The following C10orf90 variants were observed in gnomAD, a reference collection of about 807,000 sequenced individuals.
C10orf90 encodes (E2-independent) E3 ubiquitin-conjugating enzyme FATS.
A neutral mutation model predicts 62.5 loss-of-function variants in C10orf90; 56 were observed. That is an observed-to-expected ratio of 0.90 (90% CI 0.72 to 1.12). C10orf90 has a LOEUF of 1.12. C10orf90 is among the 50% of genes most tolerant of loss of function. The pLI is 0.00. For missense variants in C10orf90, 970 were observed against 880.4 expected (o/e 1.10, Z -1.29); for synonymous variants, 386 against 340.4 (o/e 1.13, Z -1.47).
intron 7 of C10orf90, among the ~76,000 whole-genome samples, chr10:126,441,162 T>C (rs1400778158): frequency 6.6e-6 from 1 of 151,972 alleles, no homozygotes; most frequent in African/African-American, 2.4e-5. Flanking sequence ...GGAGAAATAT[T>C]CAAGGAAATA....
chr10:126,624,073 C>T (rs867707990), intron 2 of C10orf90, among the ~76,000 whole-genome samples: 37 of 151,832 alleles, frequency 2.4e-4, no homozygotes, highest in Admixed American at 2.1e-3. Context: ...TGGGGCCTAG[C>T]GCGGTGGCTC....
chr10:126,489,339 C>A (rs1861598023), intron 4 of C10orf90, among the ~76,000 whole-genome samples: 1 of 152,008 alleles, frequency 6.6e-6, no homozygotes, highest in South Asian at 2.1e-4. Context: ...TAAAAAAGTT[C>A]TCAAATTAGG....
chr10:126,608,896 C>T (rs1845371370), intron 2 of C10orf90, among the ~76,000 whole-genome samples: 1 of 152,112 alleles, frequency 6.6e-6, no homozygotes, highest in Non-Finnish European at 1.5e-5. Context: ...TGTAGTTCAG[C>T]ACATATGGGT....
chr10:126,655,649 C>A (rs953649332), intron 1 of C10orf90, among the ~76,000 whole-genome samples: 1 of 152,070 alleles, frequency 6.6e-6, no homozygotes, highest in Non-Finnish European at 1.5e-5. Flanking sequence ...TGTTTACCAC[C>A]GCTTCCTACT....
chr10:126,655,227 G>A lies in C10orf90; in HGVS notation c.241-8590C>T, dbSNP rs1201076495. ...CAGCTACTAGGGAGGCTGAGGCAGG[G>A]GAATCGCTTGAACCCAGGAGGCGGA... On this transcript the variant is annotated intron_variant, in intron 1 of 9. Transcript: ENST00000488181. 2.6e-5 allele frequency among the ~76,000 whole-genome samples: 4 copies of A among 152,098 alleles called. No homozygotes were observed. In the East Asian group the frequency reaches 7.7e-4, roughly 29 times the overall value.
intron 3 of C10orf90, among the ~76,000 whole-genome samples, chr10:126,512,366 G>T (rs1247557195): frequency 1.6e-5 from 1 of 63,622 alleles, no homozygotes; most frequent in South Asian, 6.9e-4. Flanking sequence ...GTGTGTGTAT[G>T]TGTGTCTGTG....
intron 7 of C10orf90, among the ~76,000 whole-genome samples, chr10:126,446,115 C>T (rs1225304891): frequency 6.6e-6 from 1 of 151,668 alleles, no homozygotes; most frequent in African/African-American, 2.4e-5. Flanking sequence ...AGTATGTACT[C>T]ATGTAAGCAA....
chr10:126,521,294 C>A, intron 2 of C10orf90: 1 of 1,614,028 alleles, frequency 6.2e-7, no homozygotes, highest in African/African-American at 1.3e-5. Context: ...AAAATTAGAA[C>A]ATACCTTCTC....
intron 7 of C10orf90, among the ~76,000 whole-genome samples, chr10:126,457,355 A>G (rs924671316): frequency 8.5e-5 from 13 of 152,212 alleles, no homozygotes; most frequent in African/African-American, 3.1e-4. Flanking sequence ...ATCAGTACAG[A>G]TGGCCAAGGC....
At chr10:126,588,234 G>A (rs1844912556) in intron 2 of C10orf90, among the ~76,000 whole-genome samples, 1 of 152,242 alleles carries the variant, frequency 6.6e-6, no homozygotes, top group Non-Finnish European at 1.5e-5. Flanking sequence ...AAGGGTGACG[G>A]CAGTCTCTGT....
At chr10:126,477,676 C>T (rs1328851836) in intron 4 of C10orf90, among the ~76,000 whole-genome samples, 1 of 152,176 alleles carries the variant, frequency 6.6e-6, no homozygotes, top group Non-Finnish European at 1.5e-5. Context: ...TGCTCCATTT[C>T]CCTAAGCCTA....
At chr10:126,499,390 G>T (rs991741163) in intron 4 of C10orf90, among the ~76,000 whole-genome samples, 1 of 152,078 alleles carries the variant, frequency 6.6e-6, no homozygotes, top group Non-Finnish European at 1.5e-5. Flanking sequence ...AAAAAGAAAA[G>T]TTTGCTGATC....
At chr10:126,445,824 T>TAC (rs199534979) in intron 7 of C10orf90, among the ~76,000 whole-genome samples, 3,468 of 133,772 alleles carry the variant, frequency 0.026, 170 homozygotes, top group African/African-American at 0.088. Flanking sequence ...TATATATATA[T>TAC]ATACAATGGA....
intron 1 of C10orf90, among the ~76,000 whole-genome samples, chr10:126,649,071 T>TCCCCC (rs1163113188): frequency 9.8e-5 from 4 of 40,766 alleles, no homozygotes; most frequent in African/African-American, 4.2e-4. Context: ...TCTCTCTCTC[T>TCCCCC]CCCCCCCCCC....
chr10:126,458,281 CT>C (rs1859716423), intron 7 of C10orf90, among the ~76,000 whole-genome samples: 1 of 152,106 alleles, frequency 6.6e-6, no homozygotes, highest in African/African-American at 2.4e-5. Flanking sequence ...AAACATTTTC[CT>C]AGGAAGAAAG....
At chr10:126,493,086 G>A (rs922454048) in intron 4 of C10orf90, among the ~76,000 whole-genome samples, 3 of 151,706 alleles carry the variant, frequency 2.0e-5, no homozygotes, top group Admixed American at 1.3e-4. Context: ...GACAGGTACT[G>A]GAACTTCAAA....
In C10orf90 at chr10:126,454,973, C is replaced by T. The variant is rs2134083207; in HGVS notation, c.2188+4067G>A. On this transcript the variant is annotated intron_variant, in intron 7 of 9. Transcript: ENST00000488181. ...TTGAAATCAAAGGCCAGCTCTCCTG[C>T]CACCTTCCCTTGGCATGCCTGGGTG... Among the ~76,000 whole-genome samples, 3 of 152,144 alleles carry T rather than the reference C, an allele frequency of 2.0e-5. No individual in the cohort carries two copies. The South Asian group carries it at 6.2e-4, about 32-fold the overall frequency.
At chr10:126,530,707 C>G (rs1478290085) in intron 2 of C10orf90, among the ~76,000 whole-genome samples, 1 of 151,966 alleles carries the variant, frequency 6.6e-6, no homozygotes, top group African/African-American at 2.4e-5. Context: ...AGCCTGCAGG[C>G]ACATGCGGGA....
At chr10:126,526,507 G>C (rs1296090174) in intron 2 of C10orf90, among the ~76,000 whole-genome samples, 1 of 152,108 alleles carries the variant, frequency 6.6e-6, no homozygotes, top group Non-Finnish European at 1.5e-5. Flanking sequence ...GCCTCCCAAA[G>C]TGCTGGGATT....
Sources: allele counts gnomAD v4.1 joint callset (sites outside exome capture counted in the v4.1 genomes callset), GRCh38; gene constraint gnomAD v4.1.1; transcripts MANE v1.5; gene names NCBI Gene and HGNC (gene_info 2026-07-23, HGNC 2026-07-21).